Variants in ZDHHC23 observed in about 807,000 individuals in gnomAD.
ZDHHC23 encodes palmitoyltransferase ZDHHC23.
In ZDHHC23, 41 loss-of-function variants were observed where a neutral mutation model predicts 40.2. The ratio of observed to expected loss-of-function variants is 1.02; its 90% CI spans 0.79 to 1.32. The LOEUF (loss-of-function observed/expected upper bound fraction) is 1.32. Ranked by LOEUF, ZDHHC23 falls within the 40% of genes most tolerant of loss-of-function variation. ZDHHC23 has a pLI of 0.00. For synonymous variants in ZDHHC23, 204 were observed against 210.2 expected (o/e 0.97, Z 0.26); for missense variants, 471 against 541.5 (o/e 0.87, Z 1.29).
chr3:113,976,733 AAGAT>A, the ZDHHC23 span, among the ~76,000 whole-genome samples: 114 of 152,186 alleles, frequency 7.5e-4, 2 homozygotes, highest in South Asian at 0.022. Flanking sequence ...AGCAATCCAT[AAGAT>A]AGATAGATAG....
At chr3:113,971,435 T>C in the ZDHHC23 span, among the ~76,000 whole-genome samples, 4 of 152,238 alleles carry the variant, frequency 2.6e-5, no homozygotes, top group African/African-American at 9.6e-5. Flanking sequence ...CTTGAAATAA[T>C]TATATGGCTT....
At chr3:113,977,936 T>C in the ZDHHC23 span, among the ~76,000 whole-genome samples, 1 of 152,204 alleles carries the variant, frequency 6.6e-6, no homozygotes, top group Non-Finnish European at 1.5e-5. Context: ...ATCATTTTAT[T>C]CTCTTGGCAG....
rs753291711 is a variant in ZDHHC23, at chr3:113,958,420, C to T, written c.1098C>T (p.Ala366=). 3.1e-6 allele frequency: 5 copies of T among 1,614,094 alleles called. No individual in the cohort carries two copies. The highest frequency in any genetic ancestry group is 4.2e-6 in the Non-Finnish European group (5 of 1,180,052). ...WYSVIITAGM[A]YIFLIQLINI... is the part of the protein sequence containing the mutation. Reference sequence around the variant, plus strand: ...CTGTGATCATCACAGCAGGCATGGCCTACATCTTCCTGATCCAGCTGATCA... The same window carrying T: ...CTGTGATCATCACAGCAGGCATGGCTTACATCTTCCTGATCCAGCTGATCA... The change falls in exon 5 of 5, where the codon GCC becomes GCT. Residue 366 remains alanine, a synonymous_variant. Transcript: ENST00000638807.
the ZDHHC23 span, among the ~76,000 whole-genome samples, chr3:113,975,434 A>C: frequency 6.6e-6 from 1 of 152,192 alleles, no homozygotes; most frequent in Non-Finnish European, 1.5e-5. Flanking sequence ...AGCCCCTTTT[A>C]AAGACTGGTG....
intron 1 of ZDHHC23, chr3:113,948,436 C>T (rs570319169): frequency 9.6e-5 from 22 of 229,642 alleles, no homozygotes; most frequent in Non-Finnish European, 1.6e-4. Flanking sequence ...GCGGAGACCG[C>T]TCGGCCCTCC....
chr3:113,957,037 ACC>A (rs1939293064), intron 4 of ZDHHC23, among the ~76,000 whole-genome samples: 2 of 151,788 alleles, frequency 1.3e-5, no homozygotes, highest in African/African-American at 4.8e-5. Context: ...TTTTTTAATC[ACC>A]ACTGATGATT....
chr3:113,978,285 A>G, the ZDHHC23 span: 33 of 1,613,930 alleles, frequency 2.0e-5, no homozygotes, highest in Non-Finnish European at 2.8e-5. Context: ...CTTTTGAAGA[A>G]AATGTACACA....
At chr3:113,975,368 T>C in the ZDHHC23 span, among the ~76,000 whole-genome samples, 24 of 152,356 alleles carry the variant, frequency 1.6e-4, no homozygotes, top group South Asian at 5.0e-3. Flanking sequence ...TATATGGTAT[T>C]ATTTCATTCA....
intron 4 of ZDHHC23, among the ~76,000 whole-genome samples, chr3:113,957,269 C>G (rs1228953575): frequency 6.6e-6 from 1 of 152,238 alleles, no homozygotes; most frequent in African/African-American, 2.4e-5. Flanking sequence ...TTTATTCTCA[C>G]TCTTCATTTT....
the ZDHHC23 span, among the ~76,000 whole-genome samples, chr3:113,971,205 C>T: frequency 6.6e-6 from 1 of 152,208 alleles, no homozygotes; most frequent in African/African-American, 2.4e-5. Context: ...GTTCCTATTT[C>T]TCCACATCCT....
At position 113,959,447 on chromosome 3, in the gene ZDHHC23, A is replaced by G. The variant is rs1939526594; in HGVS notation, c.*817A>G. The G allele has an allele frequency of 8.0e-7, 1 of 1,252,542 alleles. No individual in the cohort carries two copies. Among genetic ancestry groups the G allele is most frequent in the Non-Finnish European group, 1.0e-6 (1 of 960,470 alleles). The allele number at this position is 1,252,542 out of a possible 1,614,324, so 77.6% of individuals were successfully genotyped here. Reference sequence around the variant, plus strand: ...ATGAGTTCTTCTATTTATATTTTATAAATTCTGCTTGGGTTTCTTATAAAT... The same window carrying G: ...ATGAGTTCTTCTATTTATATTTTATGAATTCTGCTTGGGTTTCTTATAAAT... On this transcript the variant is annotated 3_prime_UTR_variant, in exon 5 of 5. Transcript: ENST00000638807.
chr3:113,972,132 C>T, the ZDHHC23 span, among the ~76,000 whole-genome samples: 1 of 151,676 alleles, frequency 6.6e-6, no homozygotes, highest in African/African-American at 2.4e-5. Flanking sequence ...TTGGTTTGTT[C>T]TTGCTTTTCT....
chr3:113,971,565 T>C, the ZDHHC23 span, among the ~76,000 whole-genome samples: 10 of 152,228 alleles, frequency 6.6e-5, no homozygotes, highest in Non-Finnish European at 1.0e-4. Context: ...CAACGTGTTA[T>C]TGAATTTGGT....
downstream of ZDHHC23, chr3:113,965,178 T>TGAG: frequency 6.2e-7 from 1 of 1,604,420 alleles, no homozygotes; most frequent in Non-Finnish European, 8.5e-7. Context: ...AGACTTGTCT[T>TGAG]ACTCAAGGAC....
rs1939524659 is a variant in ZDHHC23 at position 113,959,410 on chromosome 3, TGA to T, written c.*782_*783del. The T allele has an allele frequency of 8.3e-7, 1 of 1,203,350 alleles. No homozygotes were observed. The highest frequency in any genetic ancestry group is 1.1e-6 in the Non-Finnish European group (1 of 930,406). 74.5% of individuals were successfully genotyped at this position (1,203,350 alleles called of 1,614,324 possible). ...TTGCTAGTGTAATGTAGTGTGGCCA[TGA>T]GTTTAGGTGATGAGTTCTTCTATTT... On this transcript the variant is annotated 3_prime_UTR_variant, in exon 5 of 5. Transcript: ENST00000638807.
rs896323594 is a variant in ZDHHC23, at chr3:113,956,091, A to G, written c.873-248A>G. ...ACCCCATCTCTACTCAAAATACACA[A>G]ATTAGCTGGGCATGGTGGCATGTGC... On this transcript the variant is annotated intron_variant, in intron 3 of 4. Coordinates refer to ENST00000638807, the MANE Select transcript of ZDHHC23 (RefSeq NM_001320466.2). 1.4e-4 allele frequency among the ~76,000 whole-genome samples: 22 copies of G among 152,040 alleles called. 1 individual carries two copies. Among genetic ancestry groups the G allele is most frequent in the Admixed American group, 1.1e-3 (17 of 15,272 alleles).
rs1050847380 is a variant in ZDHHC23, at chr3:113,961,658, T to C, written c.*3028T>C. The C allele has an allele frequency of 1.3e-5, 2 of 152,654 alleles. No individual in the cohort carries two copies. The highest frequency in any genetic ancestry group is 4.8e-5 in the African/African-American group (2 of 41,454). The allele number at this position is 152,654 out of a possible 1,614,324, so 9.5% of individuals were successfully genotyped here. A position where few individuals can be genotyped will look rare whatever the true frequency, so the allele number is the denominator to read the frequency against. The stretch of plus-strand genomic sequence containing the variant: ...CTTTGCTAAGTAGTGTTTTCCTTGG[T>C]GAATGAAGTCATTGTTGTCTTCAAG... On this transcript the variant is annotated 3_prime_UTR_variant, in exon 5 of 5. Coordinates refer to ENST00000638807, the MANE Select transcript of ZDHHC23 (RefSeq NM_001320466.2).
Position 113,960,829 on chromosome 3 carries a change from C to G in ZDHHC23, c.*2199C>G. ...ACTTGTTTTAAGTTCCTTGAGAACC[C>G]ATGATGGACAGTTGACAGAATGCTT... On this transcript the variant is annotated 3_prime_UTR_variant, in exon 5 of 5. Transcript: ENST00000638807. The G allele has an allele frequency of 2.7e-6, 4 of 1,483,702 alleles. No homozygotes were observed. Among genetic ancestry groups the G allele is most frequent in the Middle Eastern group, 1.8e-4 (1 of 5,510 alleles). 91.9% of individuals were successfully genotyped at this position (1,483,702 alleles called of 1,614,324 possible).
rs151109209 is a variant in ZDHHC23 at position 113,959,101 on chromosome 3, G to A, written c.*471G>A. 6,021 of 945,388 alleles carry A rather than the reference G, an allele frequency of 6.4e-3. 33 individuals carry two copies. The highest frequency in any genetic ancestry group is 7.1e-3 in the Non-Finnish European group (5,319 of 753,450). The allele number at this position is 945,388 out of a possible 1,614,324, so 58.6% of individuals were successfully genotyped here. On this transcript the variant is annotated 3_prime_UTR_variant, in exon 5 of 5. Transcript: ENST00000638807. The stretch of plus-strand genomic sequence containing the variant: ...CTCACAGAGCCGTCATGAGGGTCAC[G>A]TGAGGGAAGATGGATGTGGAAAGCA...
Sources: gnomAD v4.1 joint callset for allele counts (sites outside exome capture counted in the v4.1 genomes callset) on GRCh38, gnomAD v4.1.1 for gene constraint, MANE v1.5 for transcripts, NCBI Gene and HGNC (gene_info 2026-07-23, HGNC 2026-07-21) for gene names.